The following CA10 variants were observed in gnomAD, a reference collection of about 807,000 sequenced individuals.
CA10 encodes carbonic anhydrase 10 (inactive).
Under a neutral mutation model 44.2 loss-of-function variants are expected in CA10, and 14 were observed. The ratio of observed to expected loss-of-function variants is 0.32; its 90% confidence interval spans 0.21 to 0.50. CA10 has a LOEUF of 0.50. Ranked by LOEUF, CA10 falls within the 20% of genes least tolerant of loss-of-function variation. The pLI is 0.99. For synonymous variants in CA10, 159 were observed against 141.6 expected, an observed-to-expected ratio of 1.12 and a Z score of -0.87; for missense variants, 350 against 409.7, an observed-to-expected ratio of 0.85 and a Z score of 1.26.
intron 3 of CA10, among the ~76,000 whole-genome samples, chr17:51,882,459 G>T (rs1459260323): frequency 6.6e-6 from 1 of 152,142 alleles, no homozygotes; most frequent in Non-Finnish European, 1.5e-5. Context: ...TGTGTGTATG[G>T]GTGTTGGGGG....
intron 2 of CA10, among the ~76,000 whole-genome samples, chr17:52,032,282 T>TTTATTA (rs960971832): frequency 1.3e-5 from 2 of 151,968 alleles, no homozygotes; most frequent in Non-Finnish European, 2.9e-5. Context: ...TCAATATCAC[T>TTTATTA]TTATTATTAT....
At chr17:52,156,444 G>A (rs1216977547) in intron 1 of CA10, among the ~76,000 whole-genome samples, 1 of 152,162 alleles carries the variant, frequency 6.6e-6, no homozygotes, top group African/African-American at 2.4e-5. Flanking sequence ...TCTTAATAGG[G>A]TAGCCAAGCC....
At chr17:51,689,951 G>A (rs550020914) in intron 4 of CA10, among the ~76,000 whole-genome samples, 21 of 145,820 alleles carry the variant, frequency 1.4e-4, no homozygotes, top group South Asian at 1.1e-3. Flanking sequence ...TACTCTTACC[G>A]ATTTTTTTTT....
intron 3 of CA10, among the ~76,000 whole-genome samples, chr17:51,789,744 C>T (rs1243469540): frequency 6.6e-6 from 1 of 152,210 alleles, no homozygotes; most frequent in East Asian, 1.9e-4. Flanking sequence ...TACACAGGTG[C>T]TCATGACACT....
At chr17:51,876,160 G>GTTTTTT (rs3033579) in intron 3 of CA10, among the ~76,000 whole-genome samples, 12 of 59,790 alleles carry the variant, frequency 2.0e-4, no homozygotes, top group African/African-American at 6.0e-4. Context: ...TTCTTCTCTC[G>GTTTTTT]TTTTTTTTTT....
chr17:51,818,793 G>A (rs577961684), intron 3 of CA10, among the ~76,000 whole-genome samples: 1 of 152,228 alleles, frequency 6.6e-6, no homozygotes, highest in Non-Finnish European at 1.5e-5. Flanking sequence ...TTTCCCTCCT[G>A]CAGATTCTTA....
At chr17:51,816,832 A>G (rs1907579672) in intron 3 of CA10, among the ~76,000 whole-genome samples, 1 of 152,196 alleles carries the variant, frequency 6.6e-6, no homozygotes, top group Admixed American at 6.5e-5. Context: ...CAGACTGTCA[A>G]AGAGGACCAC....
rs535741393 is a variant in CA10 at position 51,896,825 on chromosome 17, C to G, written c.279+34165G>C. On this transcript the variant is annotated intron_variant, in intron 3 of 8. Coordinates refer to ENST00000451037, the MANE Select transcript of CA10 (RefSeq NM_020178.5). ...CATTGTGGTTTTGATTTGCATTTCT[C>G]TAATGATTAGTGATGTTGAGCATTT... is the stretch of plus-strand genomic sequence containing the variant. Among the ~76,000 whole-genome samples, 108 of 152,254 alleles carry G rather than the reference C, an allele frequency of 7.1e-4. 1 individual carries two copies. Among genetic ancestry groups the G allele is most frequent in the African/African-American group, 2.5e-3 (104 of 41,558 alleles).
intron 1 of CA10, among the ~76,000 whole-genome samples, chr17:52,117,328 C>T (rs567864986): frequency 1.2e-4 from 19 of 152,280 alleles, no homozygotes; most frequent in East Asian, 9.7e-4. Flanking sequence ...GAATTAGAAG[C>T]GGATAAATCC....
chr17:51,887,935 G>A (rs1268536989), intron 3 of CA10, among the ~76,000 whole-genome samples: 2 of 151,896 alleles, frequency 1.3e-5, no homozygotes, highest in Non-Finnish European at 2.9e-5. Context: ...CTGAGGCAAA[G>A]AATTGCTTGA....
intron 3 of CA10, among the ~76,000 whole-genome samples, chr17:51,900,354 C>T (rs1981259004): frequency 6.6e-6 from 1 of 152,106 alleles, no homozygotes; most frequent in South Asian, 2.1e-4. Flanking sequence ...TGAATATAGG[C>T]CCCCAATCTC....
At chr17:51,931,866 C>T (rs911405194) in intron 2 of CA10, among the ~76,000 whole-genome samples, 3 of 152,108 alleles carry the variant, frequency 2.0e-5, no homozygotes, top group Admixed American at 6.6e-5. Context: ...ATTTCCAGTT[C>T]GATTTCTCTC....
intron 3 of CA10, among the ~76,000 whole-genome samples, chr17:51,767,024 TCTAA>T (rs1905409914): frequency 6.6e-6 from 1 of 152,230 alleles, no homozygotes; most frequent in Non-Finnish European, 1.5e-5. Flanking sequence ...TTAAAAAATC[TCTAA>T]CTGTTGACTT....
chr17:51,717,843 A>ATATATGTATATATATACGTG (rs1567815709), intron 4 of CA10, among the ~76,000 whole-genome samples: 1 of 78,596 alleles, frequency 1.3e-5, no homozygotes, highest in African/African-American at 5.4e-5. Context: ...ATATATATAT[A>ATATATGTATATATATACGTG]TATATATATA....
At chr17:52,099,405 T>C (rs2037072906) in intron 1 of CA10, among the ~76,000 whole-genome samples, 1 of 152,184 alleles carries the variant, frequency 6.6e-6, no homozygotes, top group Admixed American at 6.5e-5. Context: ...TTGAGGTTTT[T>C]GGATTTTAGA....
chr17:51,899,715 T>C (rs1209410438), intron 3 of CA10, among the ~76,000 whole-genome samples: 1 of 152,140 alleles, frequency 6.6e-6, no homozygotes, highest in East Asian at 1.9e-4. Context: ...ACTTGTTTTA[T>C]GAATCTGGGT....
At chr17:51,752,952 C>A (rs1400974732) in intron 3 of CA10, among the ~76,000 whole-genome samples, 1 of 151,958 alleles carries the variant, frequency 6.6e-6, no homozygotes, top group Non-Finnish European at 1.5e-5. Context: ...AAATAAAAAA[C>A]AAGTAAATAA....
chr17:51,643,427 G>A (rs1175124309), intron 6 of CA10, among the ~76,000 whole-genome samples: 1 of 152,162 alleles, frequency 6.6e-6, no homozygotes, highest in African/African-American at 2.4e-5. Context: ...TTAACCCCCA[G>A]TCTGTTGAAG....
intron 4 of CA10, among the ~76,000 whole-genome samples, chr17:51,708,174 G>T (rs1038723033): frequency 6.6e-6 from 1 of 152,116 alleles, no homozygotes; most frequent in Non-Finnish European, 1.5e-5. Context: ...CAGGAGCTTC[G>T]AAAGGAGGCA....
Sources: gnomAD v4.1 joint callset for allele counts (sites outside exome capture counted in the v4.1 genomes callset) on GRCh38, gnomAD v4.1.1 for gene constraint, MANE v1.5 for transcripts, NCBI Gene and HGNC (gene_info 2026-07-23, HGNC 2026-07-21) for gene names.